ATRN: variants seen among roughly 807,000 people sequenced by gnomAD.
ATRN encodes attractin-2.
In ATRN, 54 loss-of-function variants were observed where a neutral mutation model predicts 178.7. The observed-to-expected ratio is 0.30, with a 90% CI of 0.24 to 0.38. The LOEUF (loss-of-function observed/expected upper bound fraction) is 0.38. Among genes scored for constraint, ATRN ranks in the 10% least tolerant of loss-of-function variants. The pLI, the probability that ATRN is intolerant of heterozygous loss-of-function variation, is 1.00. For missense variants in ATRN, 1,443 were observed against 1,815.1 expected, an observed-to-expected ratio of 0.79 and a Z score of 3.73; for synonymous variants, 636 against 663.0, an observed-to-expected ratio of 0.96 and a Z score of 0.63.
intron 13 of ATRN, 152 bp from the exon 14 acceptor site, chr20:3,576,707 A>ATCTC: frequency 4.4e-6 from 2 of 450,250 alleles, no homozygotes; most frequent in Non-Finnish European, 7.8e-6. Flanking sequence ...CTATCTATCT[A>ATCTC]TCTATCTATC....
chr20:3,513,454 T>C (rs1409772206), intron 1 of ATRN, among the ~76,000 whole-genome samples: 3 of 152,224 alleles, frequency 2.0e-5, no homozygotes, highest in Non-Finnish European at 4.4e-5. Context: ...CTCTGTTCTG[T>C]TCCGTTGGTC....
At chr20:3,483,383 A>G (rs577974773) in intron 1 of ATRN, among the ~76,000 whole-genome samples, 6 of 152,258 alleles carry the variant, frequency 3.9e-5, no homozygotes, top group South Asian at 2.1e-4. Context: ...GTCTCACTCT[A>G]TGAACCAGGC....
At chr20:3,621,562 T>A (rs2086897402) in intron 24 of ATRN, among the ~76,000 whole-genome samples, 1 of 152,210 alleles carries the variant, frequency 6.6e-6, no homozygotes, top group South Asian at 2.1e-4. Flanking sequence ...GAGTATGGTG[T>A]CTACTGTTTG....
rs988495804 is a variant in ATRN, at chr20:3,569,942, G to A, written c.1872-2789G>A. On this transcript the variant is annotated intron_variant, in intron 11 of 28. Transcript: ENST00000262919. ...AAAAATTAGCTGGTCATGGTGGTGC[G>A]TGCCTGTTGTCCCAACTACTCAGGA... Among the ~76,000 whole-genome samples, 8 of 152,008 alleles carry A rather than the reference G, an allele frequency of 5.3e-5. No individual in the cohort carries two copies. In the East Asian group the frequency reaches 1.2e-3, roughly 22 times the overall value.
chr20:3,575,896 A>G lies in ATRN; in HGVS notation c.2162A>G (p.His721Arg). The change falls in exon 13 of 29, where the codon CAC becomes CGC. Residue 721 changes from histidine (H) to arginine (R), a missense_variant. His to Arg is a conservative substitution (Grantham distance 29, BLOSUM62 0). Transcript: ENST00000262919. ...YSCTANTNDC[H>R]WCNDHCVPRN... ...TGCACAGCCAACACCAATGACTGCC[A>G]CTGGTGCAATGACCATTGTGTCCCC... 6.2e-7 allele frequency: 1 copy of G among 1,614,156 alleles called. No individual in the cohort carries two copies. Among genetic ancestry groups the G allele is most frequent in the Non-Finnish European group, 8.5e-7 (1 of 1,180,008 alleles).
chr20:3,643,515 A>AAAAAGG (rs1555828749), intron 27 of ATRN, among the ~76,000 whole-genome samples: 1 of 152,090 alleles, frequency 6.6e-6, no homozygotes, highest in East Asian at 1.9e-4. Flanking sequence ...TTTAAAAAAA[A>AAAAAGG]AAAGGAAAGG....
chr20:3,542,596 TCCCCTTC>T lies in ATRN; in HGVS notation c.608+2279_608+2285del, dbSNP rs1213507587. On this transcript the variant is annotated intron_variant, in intron 3 of 28. Transcript: ENST00000262919. The stretch of plus-strand genomic sequence containing the variant: ...CCCCTTTCTCCTTCCCCTTCTCCCT[TCCCCTTC>T]CCCCTTCCCCCTTCCCCTTTTCCTT... Among the ~76,000 whole-genome samples the T allele has an allele frequency of 2.1e-3, 220 of 106,650 alleles. 2 individuals are homozygous for T. The highest frequency in any genetic ancestry group is 3.5e-3 in the Non-Finnish European group (189 of 54,576). The allele number at this position is 106,650 out of a possible 152,430, so 70.0% of individuals were successfully genotyped here.
At chr20:3,531,814 A>ACAG (rs907903868) in intron 1 of ATRN, among the ~76,000 whole-genome samples, 3 of 152,158 alleles carry the variant, frequency 2.0e-5, no homozygotes, top group Admixed American at 6.5e-5. Flanking sequence ...AACAACAACA[A>ACAG]CAACAACAAG....
chr20:3,581,179 G>A (rs1404860830), intron 15 of ATRN, among the ~76,000 whole-genome samples: 1 of 152,186 alleles, frequency 6.6e-6, no homozygotes, highest in Non-Finnish European at 1.5e-5. Flanking sequence ...TTGAGCCCAG[G>A]GGTTTGAGGC....
chr20:3,536,441 C>G (rs1003133071), intron 2 of ATRN, among the ~76,000 whole-genome samples: 1 of 152,092 alleles, frequency 6.6e-6, no homozygotes, highest in African/African-American at 2.4e-5. Flanking sequence ...GAACTCCTGA[C>G]CTCAAGTGAT....
chr20:3,587,898 C>T (rs142648373), intron 18 of ATRN, among the ~76,000 whole-genome samples: 114 of 152,144 alleles, frequency 7.5e-4, no homozygotes, highest in African/African-American at 2.2e-3. Flanking sequence ...CAGGCTGGAG[C>T]GCAGTGGTGC....
intron 1 of ATRN, chr20:3,491,054 C>T: frequency 1.1e-6 from 1 of 945,842 alleles, no homozygotes; most frequent in Non-Finnish European, 1.7e-6. Flanking sequence ...TAGTTGTTTG[C>T]TGCTGGTTAA....
At chr20:3,619,429 G>A (rs1221567019) in intron 24 of ATRN, among the ~76,000 whole-genome samples, 1 of 152,164 alleles carries the variant, frequency 6.6e-6, no homozygotes, top group African/African-American at 2.4e-5. Flanking sequence ...AGTCCTGAAT[G>A]AGGCCAGAGG....
At chr20:3,514,610 T>A (rs1414138190) in intron 1 of ATRN, among the ~76,000 whole-genome samples, 1 of 152,170 alleles carries the variant, frequency 6.6e-6, no homozygotes, top group Admixed American at 6.5e-5. Flanking sequence ...TAGATAATTT[T>A]AAAAAATAGA....
intron 8 of ATRN, 88 bp downstream of exon 8, chr20:3,560,993 C>A (rs2085944674): frequency 1.4e-6 from 2 of 1,464,978 alleles, no homozygotes; most frequent in Non-Finnish European, 1.9e-6. Context: ...AAAAGTTCAA[C>A]CTAATCTTGA....
In ATRN at chr20:3,584,083, C is replaced by T. The variant is rs773681819; in HGVS notation, c.2950C>T (p.Pro984Ser). 21 of 1,612,800 alleles carry T rather than the reference C, an allele frequency of 1.3e-5. No individual in the cohort carries two copies. The highest frequency in any genetic ancestry group is 6.7e-5 in the East Asian group (3 of 44,846). Residue 984 changes from proline to serine, a missense_variant and splice_region_variant, in exon 17 of 29, where the codon CCT becomes TCT. Transcript: ENST00000262919. ...MEWYTMSTCP[P>S]ENCSGYCTCS... ...ATGGTATACGATGAGCACCTGCCCC[C>T]GTAAGTGAAAAAGGGAGCCCTAGGC...
intron 25 of ATRN, among the ~76,000 whole-genome samples, chr20:3,631,175 T>TC (rs2146320774): frequency 6.6e-6 from 1 of 151,904 alleles, no homozygotes; most frequent in African/African-American, 2.4e-5. Context: ...GTCTTAAACT[T>TC]CTGGCCTCAA....
chr20:3,542,089 A>G (rs1341502136), intron 3 of ATRN, among the ~76,000 whole-genome samples: 2 of 152,244 alleles, frequency 1.3e-5, no homozygotes, highest in Admixed American at 6.5e-5. Context: ...GCCAAAGAGC[A>G]GGGTGGATGG....
At position 3,650,758 on chromosome 20, in the gene ATRN, T is replaced by A. The variant is rs2087140866; in HGVS notation, c.*3911T>A. 6.7e-6 allele frequency: 1 copy of A among 149,418 alleles called. No individual in the cohort carries two copies. Among genetic ancestry groups the A allele is most frequent in the East Asian group, 1.9e-4 (1 of 5,202 alleles). 9.3% of individuals were successfully genotyped at this position (149,418 alleles called of 1,614,324 possible). ...ACATTCTAAACACTAGTGAAGCCTG[T>A]TTCGTTGAACTAATTCTGGCTCTGG... On this transcript the variant is annotated 3_prime_UTR_variant, in exon 29 of 29. Transcript: ENST00000262919.
Sources: allele counts gnomAD v4.1 joint callset (sites outside exome capture counted in the v4.1 genomes callset), GRCh38; gene constraint gnomAD v4.1.1; transcripts MANE v1.5; gene names NCBI Gene and HGNC (gene_info 2026-07-23, HGNC 2026-07-21).